SGCZ: variants seen among roughly 807,000 people sequenced by gnomAD.
SGCZ encodes the protein zeta-sarcoglycan.
A neutral mutation model predicts 41.3 loss-of-function variants in SGCZ; 40 were observed. The ratio of observed to expected loss-of-function variants is 0.97; its 90% CI spans 0.75 to 1.26. The LOEUF (loss-of-function observed/expected upper bound fraction) is 1.26, where lower values mean the gene tolerates loss of function less well. Among genes scored for constraint, SGCZ ranks in the 50% most tolerant of loss-of-function variants. SGCZ has a pLI of 0.00. For synonymous variants in SGCZ, 206 were observed against 137.5 expected, an observed-to-expected ratio of 1.50 and a Z score of -3.49; for missense variants, 552 against 369.8, an observed-to-expected ratio of 1.49 and a Z score of -4.04.
intron 3 of SGCZ, among the ~76,000 whole-genome samples, chr8:14,263,801 C>T (rs918794717): frequency 2.6e-5 from 4 of 152,148 alleles, no homozygotes; most frequent in Admixed American, 2.6e-4. Flanking sequence ...AGGACAGAGT[C>T]ACACTGCCAT....
At position 15,065,770 on chromosome 8, in the gene SGCZ, A is replaced by G. The variant is rs181555288; in HGVS notation, c.39+171815T>C. On this transcript the variant is annotated intron_variant, in intron 1 of 7. Transcript: ENST00000382080. ...CTTGAGTCACTTATCCAATTCTCTGAATAAGCCATAGATGTCTGGAGGTCA... is the reference window on the plus strand; with the variant it reads ...CTTGAGTCACTTATCCAATTCTCTGGATAAGCCATAGATGTCTGGAGGTCA... Among the ~76,000 whole-genome samples the G allele has an allele frequency of 2.7e-3, 405 of 152,238 alleles. 4 individuals are homozygous for G. The highest frequency in any genetic ancestry group is 2.7e-3 in the Admixed American group (42 of 15,292).
intron 1 of SGCZ, among the ~76,000 whole-genome samples, chr8:14,986,531 T>C (rs985507672): frequency 6.6e-6 from 1 of 152,122 alleles, no homozygotes; most frequent in African/African-American, 2.4e-5. Flanking sequence ...TATTTGATCT[T>C]AGGTAAATTA....
chr8:15,038,257 C>T (rs1366050380), intron 1 of SGCZ, among the ~76,000 whole-genome samples: 2 of 152,038 alleles, frequency 1.3e-5, no homozygotes, highest in African/African-American at 4.8e-5. Context: ...TAGAAACAGA[C>T]TCATAGACCA....
chr8:15,234,697 A>G (rs1802066998), intron 1 of SGCZ, among the ~76,000 whole-genome samples: 1 of 152,196 alleles, frequency 6.6e-6, no homozygotes, highest in East Asian at 1.9e-4. Context: ...CTTGCAAAAG[A>G]AAACACTATT....
intron 1 of SGCZ, among the ~76,000 whole-genome samples, chr8:15,106,729 T>A (rs902256211): frequency 6.6e-6 from 1 of 152,132 alleles, no homozygotes; most frequent in African/African-American, 2.4e-5. Flanking sequence ...ATACTTATTT[T>A]TTTTCTTATC....
chr8:14,605,462 A>T (rs1218286150), intron 1 of SGCZ, among the ~76,000 whole-genome samples: 1 of 152,104 alleles, frequency 6.6e-6, no homozygotes, highest in Admixed American at 6.6e-5. Context: ...ATTAGTATTG[A>T]CTATAGCCAC....
chr8:14,789,155 G>A (rs1021001174), intron 1 of SGCZ, among the ~76,000 whole-genome samples: 2 of 151,864 alleles, frequency 1.3e-5, no homozygotes, highest in Non-Finnish European at 2.9e-5. Context: ...ACAAACACTG[G>A]GCACTATGCA....
chr8:14,194,029 T>G (rs972387783), intron 4 of SGCZ, among the ~76,000 whole-genome samples: 2 of 151,758 alleles, frequency 1.3e-5, no homozygotes, highest in African/African-American at 4.8e-5. Flanking sequence ...CAATAGTTTT[T>G]TTTAAATATA....
chr8:14,779,079 T>G (rs559341264), intron 1 of SGCZ, among the ~76,000 whole-genome samples: 36 of 152,312 alleles, frequency 2.4e-4, no homozygotes, highest in African/African-American at 8.7e-4. Context: ...AAGTGCATAT[T>G]TTCAAGAGAA....
At chr8:14,466,621 T>C (rs1801057876) in intron 2 of SGCZ, among the ~76,000 whole-genome samples, 1 of 151,722 alleles carries the variant, frequency 6.6e-6, no homozygotes, top group African/African-American at 2.4e-5. Flanking sequence ...TCATGTTCCT[T>C]AAATTTTTTT....
intron 1 of SGCZ, among the ~76,000 whole-genome samples, chr8:14,726,343 A>ATATATATAT (rs1563228602): frequency 1.1e-5 from 1 of 94,082 alleles, no homozygotes; most frequent in Non-Finnish European, 2.8e-5. Context: ...TATATATATA[A>ATATATATAT]AATTAGATAG....
intron 4 of SGCZ, among the ~76,000 whole-genome samples, chr8:14,208,687 T>A (rs1178279979): frequency 6.6e-6 from 1 of 152,050 alleles, no homozygotes; most frequent in Non-Finnish European, 1.5e-5. Flanking sequence ...ATTATACAGT[T>A]ACTTATACTG....
At chr8:15,201,848 T>A (rs17472386) in intron 1 of SGCZ, among the ~76,000 whole-genome samples, 6,890 of 152,258 alleles carry the variant, frequency 0.045, 201 homozygotes, top group Middle Eastern at 0.068. Flanking sequence ...GACATCTCTA[T>A]TTTTTCAGTA....
chr8:15,205,493 C>T (rs1801029554), intron 1 of SGCZ, among the ~76,000 whole-genome samples: 1 of 152,022 alleles, frequency 6.6e-6, no homozygotes, highest in African/African-American at 2.4e-5. Flanking sequence ...CCAACAATCA[C>T]ATCAAAGAAA....
chr8:14,508,725 G>A (rs1802381034), intron 2 of SGCZ, among the ~76,000 whole-genome samples: 2 of 152,134 alleles, frequency 1.3e-5, no homozygotes, highest in African/African-American at 4.8e-5. Flanking sequence ...TAGCAACGTT[G>A]GTTGTCAAGT....
intron 4 of SGCZ, among the ~76,000 whole-genome samples, chr8:14,198,771 T>A (rs531827561): frequency 6.6e-6 from 1 of 152,282 alleles, no homozygotes; most frequent in Non-Finnish European, 1.5e-5. Flanking sequence ...TGTTTATTAG[T>A]TCCCCAAATT....
At position 14,998,330 on chromosome 8, in the gene SGCZ, G is replaced by A. The variant is rs189599365; in HGVS notation, c.39+239255C>T. The stretch of plus-strand genomic sequence containing the variant: ...TGAAAAATACAAATACTCCTTGATA[G>A]AAAGTTACTTCTGAATACAGTTCTG... On this transcript the variant is annotated intron_variant, in intron 1 of 7. Coordinates refer to ENST00000382080, the MANE Select transcript of SGCZ (RefSeq NM_139167.4). Among the ~76,000 whole-genome samples the A allele has an allele frequency of 3.3e-3, 495 of 152,270 alleles. 5 individuals are homozygous for A. The highest frequency in any genetic ancestry group is 3.1e-3 in the East Asian group (16 of 5,178).
At chr8:14,406,717 T>C (rs1031739964) in intron 2 of SGCZ, among the ~76,000 whole-genome samples, 1 of 127,676 alleles carries the variant, frequency 7.8e-6, no homozygotes. Context: ...TGCCCCTTTC[T>C]ACGCAACAAC....
intron 1 of SGCZ, among the ~76,000 whole-genome samples, chr8:15,095,520 G>T (rs558078803): frequency 1.3e-5 from 2 of 152,154 alleles, no homozygotes; most frequent in East Asian, 3.9e-4. Context: ...TCAATCATTT[G>T]AATGTATTTG....
Sources: gnomAD v4.1 joint callset for allele counts (sites outside exome capture counted in the v4.1 genomes callset) on GRCh38, gnomAD v4.1.1 for gene constraint, MANE v1.5 for transcripts, NCBI Gene and HGNC (gene_info 2026-07-23, HGNC 2026-07-21) for gene names.